ROBO1: variants seen among roughly 807,000 people sequenced by gnomAD.
ROBO1 encodes roundabout homolog 1.
In ROBO1, 149 loss-of-function variants were observed where a neutral mutation model predicts 195.9. The observed-to-expected ratio is 0.76, with a 90% CI of 0.67 to 0.87. ROBO1 has a LOEUF of 0.87. Among genes scored for constraint, ROBO1 ranks in the 40% least tolerant of loss-of-function variants. ROBO1 has a pLI of 0.00. For synonymous variants in ROBO1, 816 were observed against 733.2 expected (o/e 1.11, Z -1.82); for missense variants, 1,933 against 2,068.3 (o/e 0.93, Z 1.27).
At chr3:78,787,969 T>C (rs2083892281) in intron 4 of ROBO1, among the ~76,000 whole-genome samples, 1 of 111,508 alleles carries the variant, frequency 9.0e-6, no homozygotes, top group African/African-American at 3.4e-5. Flanking sequence ...ATACGGAGTC[T>C]CCCGCTGTCT....
chr3:79,032,479 T>C (rs1291594666), intron 3 of ROBO1, among the ~76,000 whole-genome samples: 1 of 152,026 alleles, frequency 6.6e-6, no homozygotes, highest in Non-Finnish European at 1.5e-5. Flanking sequence ...TAAGTACCAG[T>C]AAACCATTTA....
intron 25 of ROBO1, among the ~76,000 whole-genome samples, 176 bp downstream of exon 25, chr3:78,630,985 T>A (rs1443760830): frequency 6.6e-6 from 1 of 152,208 alleles, no homozygotes; most frequent in Non-Finnish European, 1.5e-5. Context: ...GATTGCTTTT[T>A]TGGAAGCAGC....
intron 1 of ROBO1, among the ~76,000 whole-genome samples, chr3:79,767,201 C>A (rs911890790): frequency 6.6e-6 from 1 of 152,178 alleles, no homozygotes; most frequent in African/African-American, 2.4e-5. Context: ...TTTGGAAGCT[C>A]CCTGCAGCCT....
intron 2 of ROBO1, among the ~76,000 whole-genome samples, chr3:79,452,360 A>G (rs1215537088): frequency 6.6e-6 from 1 of 152,026 alleles, no homozygotes; most frequent in Admixed American, 6.6e-5. Context: ...CCCCATCTGG[A>G]GCATCACTTT....
intron 3 of ROBO1, among the ~76,000 whole-genome samples, chr3:78,945,923 T>C (rs899578156): frequency 4.6e-5 from 7 of 150,972 alleles, no homozygotes; most frequent in Non-Finnish European, 5.9e-5. Flanking sequence ...GTATCAGTGA[T>C]GGAAGACGAA....
chr3:79,014,058 TGAAA>T (rs2077857998), intron 3 of ROBO1, among the ~76,000 whole-genome samples: 1 of 152,228 alleles, frequency 6.6e-6, no homozygotes. Flanking sequence ...AATTGATTCA[TGAAA>T]GAGTTAAACA....
At position 79,500,529 on chromosome 3, in the gene ROBO1, C is replaced by T. The variant is rs999516725; in HGVS notation, c.88+89295G>A. ...TTTCATTGCTCCTGTGACGCACCTGCCCTTGCAAGACTGTCACCGTGCTTC... is the reference window on the plus strand; with the variant it reads ...TTTCATTGCTCCTGTGACGCACCTGTCCTTGCAAGACTGTCACCGTGCTTC... On this transcript the variant is annotated intron_variant, in intron 2 of 30. Transcript: ENST00000464233. 2.6e-5 allele frequency among the ~76,000 whole-genome samples: 4 copies of T among 152,310 alleles called. No individual in the cohort carries two copies. The South Asian group carries it at 6.2e-4, about 24-fold the overall frequency.
intron 4 of ROBO1, among the ~76,000 whole-genome samples, chr3:78,785,488 TC>T (rs2108501724): frequency 6.6e-6 from 1 of 152,330 alleles, no homozygotes; most frequent in South Asian, 2.1e-4. Context: ...GATGGATTTT[TC>T]TTTTTTACTG....
At chr3:79,764,307 G>A (rs558581269) in intron 1 of ROBO1, among the ~76,000 whole-genome samples, 2 of 152,306 alleles carry the variant, frequency 1.3e-5, no homozygotes, top group South Asian at 2.1e-4. Flanking sequence ...TACATTAACA[G>A]TAACATTGCT....
chr3:79,091,521 G>C (rs1006751685), intron 3 of ROBO1, among the ~76,000 whole-genome samples: 2 of 151,798 alleles, frequency 1.3e-5, no homozygotes, highest in South Asian at 4.2e-4. Flanking sequence ...CTAGGTGTGG[G>C]AAATAGGCCA....
chr3:78,631,022 C>G, intron 25 of ROBO1, 139 bp downstream of exon 25: 1 of 868,020 alleles, frequency 1.2e-6, no homozygotes, highest in South Asian at 2.7e-5. Context: ...TCCTGCTGAC[C>G]AGCACTATTT....
chr3:79,455,150 C>A (rs1343425866), intron 2 of ROBO1, among the ~76,000 whole-genome samples: 1 of 151,422 alleles, frequency 6.6e-6, no homozygotes, highest in African/African-American at 2.4e-5. Context: ...CTAAAATATG[C>A]ACACAGAAGA....
In ROBO1 at chr3:79,344,890, T is replaced by C. The variant is rs1250701242; in HGVS notation, c.89-219351A>G. Among the ~76,000 whole-genome samples the C allele has an allele frequency of 3.9e-5, 6 of 152,110 alleles. No homozygotes were observed. In the South Asian group the frequency reaches 1.2e-3, roughly 32 times the overall value. On this transcript the variant is annotated intron_variant, in intron 2 of 30. Transcript: ENST00000464233. ...TGAGTTCTCATGGGATCTGATGGTT[T>C]TATAAAGAGCAGTTTTTTCCTGCAC...
At chr3:79,171,831 A>C (rs551551760) in intron 2 of ROBO1, among the ~76,000 whole-genome samples, 1 of 152,228 alleles carries the variant, frequency 6.6e-6, no homozygotes, top group African/African-American at 2.4e-5. Flanking sequence ...GAAATCTATA[A>C]TAAAATTATG....
intron 1 of ROBO1, among the ~76,000 whole-genome samples, chr3:79,758,091 G>A (rs756559014): frequency 5.2e-4 from 79 of 152,168 alleles, no homozygotes; most frequent in Non-Finnish European, 9.3e-4. Context: ...GCTATCCACT[G>A]AAAATTAAAG....
At chr3:79,081,088 T>C (rs531636007) in intron 3 of ROBO1, among the ~76,000 whole-genome samples, 15 of 152,202 alleles carry the variant, frequency 9.9e-5, no homozygotes, top group Non-Finnish European at 1.9e-4. Context: ...CCCAAACGCT[T>C]TGCCTGAAAA....
chr3:79,201,002 C>A (rs551055282), intron 2 of ROBO1, among the ~76,000 whole-genome samples: 1 of 151,754 alleles, frequency 6.6e-6, no homozygotes, highest in African/African-American at 2.4e-5. Flanking sequence ...ACAGCAAATT[C>A]CGGATCCTGT....
chr3:79,729,291 T>G (rs1029752814), intron 1 of ROBO1, among the ~76,000 whole-genome samples: 1 of 152,128 alleles, frequency 6.6e-6, no homozygotes, highest in African/African-American at 2.4e-5. Context: ...TTGGCCTAGC[T>G]CCAGGGAATG....
chr3:79,730,843 T>G (rs778201701), intron 1 of ROBO1, among the ~76,000 whole-genome samples: 46 of 144,940 alleles, frequency 3.2e-4, no homozygotes, highest in African/African-American at 1.1e-3. Flanking sequence ...AGTAGCGCAG[T>G]CTTGGCTCAC....
Sources: allele counts gnomAD v4.1 joint callset (sites outside exome capture counted in the v4.1 genomes callset), GRCh38; gene constraint gnomAD v4.1.1; transcripts MANE v1.5; gene names NCBI Gene and HGNC (gene_info 2026-07-23, HGNC 2026-07-21).